The following LINGO2 variants were observed in gnomAD, a reference collection of about 807,000 sequenced individuals.
LINGO2 encodes the protein leucine rich repeat and Ig domain containing 2, also known as leucine-rich repeat and immunoglobulin-like domain-containing nogo receptor-interacting protein 2.
A neutral mutation model predicts 30.6 loss-of-function variants in LINGO2; 14 were observed. That is an observed-to-expected ratio of 0.46 (90% confidence interval 0.30 to 0.72). The LOEUF (loss-of-function observed/expected upper bound fraction) is 0.72. Ranked by LOEUF, LINGO2 falls within the 30% of genes least tolerant of loss-of-function variation. The pLI is 0.07. For synonymous variants in LINGO2, 317 were observed against 288.5 expected, an observed-to-expected ratio of 1.10 and a Z score of -1.00; for missense variants, 729 against 751.7, an observed-to-expected ratio of 0.97 and a Z score of 0.35.
the LINGO2 span, among the ~76,000 whole-genome samples, chr9:28,986,022 A>G: frequency 6.6e-6 from 1 of 152,092 alleles, no homozygotes; most frequent in Non-Finnish European, 1.5e-5. Context: ...ATCCATCTTG[A>G]GTAGATTTTT....
chr9:28,930,486 A>G, the LINGO2 span, among the ~76,000 whole-genome samples: 4 of 152,236 alleles, frequency 2.6e-5, no homozygotes, highest in East Asian at 1.9e-4. The surrounding 1 kb of genome is among the most constrained non-coding windows in gnomAD (Gnocchi z 4.2). Context: ...TCAAAAAATG[A>G]CATTGACTAT....
rs575755287 is a variant in LINGO2 at position 27,972,189 on chromosome 9, G to A, written c.-35-21483C>T. ...TGAGGAATCAAACTTCTCTGTCTTG[G>A]TTTAGGAAACGGTGAGGGCATCTAA... On this transcript the variant is annotated intron_variant, in intron 5 of 5. Coordinates refer to ENST00000379992, the Ensembl canonical transcript of LINGO2. 1.8e-4 allele frequency among the ~76,000 whole-genome samples: 28 copies of A among 152,290 alleles called. No homozygotes were observed. The South Asian group carries it at 5.6e-3, about 30-fold the overall frequency.
chr9:28,200,817 A>G lies in LINGO2; in HGVS notation c.-87+94391T>C, dbSNP rs572532576. Among the ~76,000 whole-genome samples the G allele has an allele frequency of 3.3e-5, 5 of 152,378 alleles. No homozygotes were observed. In the East Asian group the frequency reaches 9.7e-4, roughly 29 times the overall value. On this transcript the variant is annotated intron_variant, in intron 4 of 5. Coordinates refer to ENST00000379992, the Ensembl canonical transcript of LINGO2. ...AAGTCCAGTGATAAAAATGTTAGAG[A>G]ATAAGGCAAAGGCCATGCAAAATGA...
chr9:28,144,400 C>A (rs1323200043), intron 4 of LINGO2, among the ~76,000 whole-genome samples: 1 of 152,110 alleles, frequency 6.6e-6, no homozygotes, highest in Non-Finnish European at 1.5e-5. Flanking sequence ...GAATAAAAAT[C>A]TTTAAAGAGA....
chr9:28,459,474 C>A (rs1325326962), intron 2 of LINGO2, among the ~76,000 whole-genome samples: 1 of 150,500 alleles, frequency 6.6e-6, no homozygotes, highest in African/African-American at 2.4e-5. Context: ...TCGATTTCAA[C>A]AAACACTGAA....
chr9:28,820,836 G>T, the LINGO2 span, among the ~76,000 whole-genome samples: 3 of 152,142 alleles, frequency 2.0e-5, no homozygotes, highest in Non-Finnish European at 2.9e-5. Context: ...AATTTGCTTC[G>T]AAAATAGCAG....
At chr9:28,557,588 G>T (rs1350277577) in intron 1 of LINGO2, among the ~76,000 whole-genome samples, 1 of 151,898 alleles carries the variant, frequency 6.6e-6, no homozygotes, top group Non-Finnish European at 1.5e-5. Flanking sequence ...AGTCAGTGTG[G>T]CGATTCCTCA....
the LINGO2 span, among the ~76,000 whole-genome samples, chr9:28,838,203 GA>G: frequency 6.6e-6 from 1 of 152,078 alleles, no homozygotes; most frequent in South Asian, 2.1e-4. Context: ...TATTACAATA[GA>G]TAAAATGCAG....
intron 1 of LINGO2, among the ~76,000 whole-genome samples, chr9:28,597,718 A>C (rs541234161): frequency 6.6e-6 from 1 of 152,228 alleles, no homozygotes; most frequent in African/African-American, 2.4e-5. Context: ...TATAATTATA[A>C]AACTATTTTG....
At chr9:28,860,673 A>C in the LINGO2 span, among the ~76,000 whole-genome samples, 118,471 of 149,562 alleles carry the variant, frequency 0.79, 46,984 homozygotes, top group East Asian at 0.9. Context: ...TCATATATAT[A>C]TTTCATATAT....
At chr9:29,006,222 T>C in the LINGO2 span, among the ~76,000 whole-genome samples, 7 of 152,092 alleles carry the variant, frequency 4.6e-5, no homozygotes, top group Admixed American at 3.9e-4. Flanking sequence ...ATGTATTCTC[T>C]ATTATTTAGT....
intron 4 of LINGO2, among the ~76,000 whole-genome samples, chr9:28,193,509 G>C (rs774256549): frequency 6.6e-6 from 1 of 152,056 alleles, no homozygotes; most frequent in Non-Finnish European, 1.5e-5. Context: ...GACTCATAAA[G>C]AGCTAATAGA....
At chr9:28,182,233 A>G (rs1464037864) in intron 4 of LINGO2, among the ~76,000 whole-genome samples, 1 of 152,214 alleles carries the variant, frequency 6.6e-6, no homozygotes. Flanking sequence ...CTGTTCAATA[A>G]ATGGTGCTGG....
intron 4 of LINGO2, among the ~76,000 whole-genome samples, chr9:28,196,518 T>A (rs1177124218): frequency 6.6e-6 from 1 of 151,806 alleles, no homozygotes; most frequent in Non-Finnish European, 1.5e-5. Flanking sequence ...CAAAAAGGTA[T>A]AATATCTCAG....
At chr9:28,161,961 T>G (rs2133603152) in intron 4 of LINGO2, among the ~76,000 whole-genome samples, 1 of 152,296 alleles carries the variant, frequency 6.6e-6, no homozygotes, top group African/African-American at 2.4e-5. Context: ...ATTAATATAT[T>G]TTTAATAGCA....
the LINGO2 span, among the ~76,000 whole-genome samples, chr9:28,840,067 G>A: frequency 6.7e-6 from 1 of 149,632 alleles, no homozygotes; most frequent in Admixed American, 6.6e-5. Flanking sequence ...TCTGAAACTG[G>A]AGCAGGTTCT....
chr9:28,957,109 C>A, the LINGO2 span, among the ~76,000 whole-genome samples: 1 of 152,026 alleles, frequency 6.6e-6, no homozygotes, highest in African/African-American at 2.4e-5. Context: ...TATTCAGAAG[C>A]CTGGCAGTTG....
At chr9:28,153,640 C>T (rs567721611) in intron 4 of LINGO2, among the ~76,000 whole-genome samples, 16 of 152,212 alleles carry the variant, frequency 1.1e-4, no homozygotes, top group South Asian at 6.2e-4. Context: ...TTTCCCATTT[C>T]GAGTTCGTCA....
the LINGO2 span, among the ~76,000 whole-genome samples, chr9:28,874,241 C>T: frequency 6.6e-6 from 1 of 151,712 alleles, no homozygotes; most frequent in East Asian, 1.9e-4. Context: ...CACAGAAAAC[C>T]AATATTGGCC....
Sources: gnomAD v4.1 joint callset for allele counts (sites outside exome capture counted in the v4.1 genomes callset) on GRCh38, gnomAD v4.1.1 for gene constraint, Gnocchi (gnomAD v3.1) non-coding constraint, MANE v1.5 for transcripts, NCBI Gene and HGNC (gene_info 2026-07-23, HGNC 2026-07-21) for gene names.